FYB2: variants seen among roughly 807,000 people sequenced by gnomAD.
The protein encoded by FYB2 is FYN-binding protein 2.
A neutral mutation model predicts 94.1 loss-of-function variants in FYB2; 103 were observed. That is an observed-to-expected ratio of 1.09 (90% CI 0.93 to 1.29). FYB2 has a LOEUF of 1.29. Ranked by LOEUF, FYB2 falls within the 50% of genes most tolerant of loss-of-function variation. The pLI, the probability that FYB2 is intolerant of heterozygous loss-of-function variation, is 0.00. For missense variants in FYB2, 896 were observed against 841.5 expected, an observed-to-expected ratio of 1.06 and a Z score of -0.80; for synonymous variants, 293 against 287.9, an observed-to-expected ratio of 1.02 and a Z score of -0.18.
rs115495671 is a variant in FYB2, at chr1:56,730,849, G to A, written c.1794-4266C>T. Among the ~76,000 whole-genome samples, 1,068 of 152,056 alleles carry A rather than the reference G, an allele frequency of 7.0e-3. 11 individuals are homozygous for A. Among genetic ancestry groups the A allele is most frequent in the South Asian group, 0.028 (136 of 4,812 alleles). ...GATACGAAAAAGAAAATTACAGGTC[G>A]ATATCCCTGATGAACATAGACACAA... On this transcript the variant is annotated intron_variant, in intron 15 of 19. Coordinates refer to ENST00000343433, the MANE Select transcript of FYB2 (RefSeq NM_001004303.5).
At chr1:56,799,622 A>G (rs960528317) in intron 1 of FYB2, among the ~76,000 whole-genome samples, 4 of 152,194 alleles carry the variant, frequency 2.6e-5, no homozygotes, top group Non-Finnish European at 4.4e-5. Flanking sequence ...TGATGGGAAA[A>G]TTCAGAACCA....
intron 5 of FYB2, among the ~76,000 whole-genome samples, chr1:56,761,293 G>A (rs1400433889): frequency 1.4e-4 from 21 of 152,248 alleles, no homozygotes. Flanking sequence ...GCATTTAAAT[G>A]CATTATTTCA....
upstream of FYB2, among the ~76,000 whole-genome samples, chr1:56,821,810 C>T (rs1033865381): frequency 3.3e-5 from 5 of 152,130 alleles, no homozygotes; most frequent in African/African-American, 9.7e-5. Context: ...TATTCATTTG[C>T]TATAAGGAGA....
chr1:56,765,569 A>T (rs1424253018), intron 5 of FYB2, among the ~76,000 whole-genome samples: 1 of 152,080 alleles, frequency 6.6e-6, no homozygotes, highest in Non-Finnish European at 1.5e-5. Context: ...GGAGTAGACT[A>T]GTTATTGTCT....
intron 15 of FYB2, among the ~76,000 whole-genome samples, chr1:56,736,328 A>T (rs943469204): frequency 2.0e-5 from 3 of 152,090 alleles, no homozygotes; most frequent in African/African-American, 7.2e-5. Context: ...GATGAATCAA[A>T]CATGAAGAGA....
rs138668500 is a variant in FYB2, at chr1:56,742,201, C to T, written c.1564G>A (p.Glu522Lys). 5.6e-3 allele frequency: 8,999 copies of T among 1,601,764 alleles called. 33 individuals are homozygous for T. The highest frequency in any genetic ancestry group is 7.1e-3 in the Non-Finnish European group (8,273 of 1,170,528). ...TTGTTCTTTGTTTTGTAGACATCTTCATACAGTTCTCTATTTTCTTCTGAA... is the reference window on the plus strand; with the variant it reads ...TTGTTCTTTGTTTTGTAGACATCTTTATACAGTTCTCTATTTTCTTCTGAA... ...SSSEENRELY[E>K]DVYKTKNNYP... Residue 522 changes from glutamate to lysine, a missense_variant, in exon 12 of 20, where the codon GAA becomes AAA. By Grantham distance (56) the Glu-to-Lys change is moderately conservative. Transcript: ENST00000343433.
chr1:56,823,324 T>C (rs1417713423), upstream of FYB2, among the ~76,000 whole-genome samples: 4 of 151,820 alleles, frequency 2.6e-5, no homozygotes, highest in African/African-American at 9.7e-5. Context: ...AAAAGGATGA[T>C]ATGAAATGAA....
chr1:56,737,470 T>A (rs1215214503), intron 14 of FYB2: 2 of 207,590 alleles, frequency 9.6e-6, no homozygotes, highest in Non-Finnish European at 1.9e-5. Flanking sequence ...TAAGTTCCCA[T>A]CTTTCTGGAA....
chr1:56,773,393 C>G (rs1338999375), intron 4 of FYB2, among the ~76,000 whole-genome samples: 1 of 152,154 alleles, frequency 6.6e-6, no homozygotes, highest in East Asian at 1.9e-4. Flanking sequence ...TTATTAATCA[C>G]ATTAATAGCT....
At chr1:56,773,094 T>C (rs1645797895) in intron 4 of FYB2, among the ~76,000 whole-genome samples, 3 of 152,164 alleles carry the variant, frequency 2.0e-5, no homozygotes. Context: ...TAAAGATGAT[T>C]TACAAAACCA....
chr1:56,774,538 T>C (rs1225659288), intron 4 of FYB2, among the ~76,000 whole-genome samples: 3 of 152,174 alleles, frequency 2.0e-5, no homozygotes, highest in Non-Finnish European at 4.4e-5. Flanking sequence ...TGTGCATACA[T>C]ATACATCTTT....
intron 14 of FYB2, among the ~76,000 whole-genome samples, chr1:56,737,885 G>T (rs1163761908): frequency 6.6e-6 from 1 of 152,044 alleles, no homozygotes; most frequent in Non-Finnish European, 1.5e-5. Flanking sequence ...CCAAGGATAT[G>T]TTGAGATGTG....
At chr1:56,807,331 A>G (rs1223600742) in intron 1 of FYB2, among the ~76,000 whole-genome samples, 2 of 152,094 alleles carry the variant, frequency 1.3e-5, no homozygotes, top group Admixed American at 6.5e-5. Flanking sequence ...AATTTCTTAG[A>G]TTTGTTTTCT....
At chr1:56,762,999 T>C (rs1030968775) in intron 5 of FYB2, among the ~76,000 whole-genome samples, 1 of 152,218 alleles carries the variant, frequency 6.6e-6, no homozygotes, top group Non-Finnish European at 1.5e-5. Context: ...GCACAGATTG[T>C]CTAATTTTTC....
chr1:56,770,536 G>A (rs1460014884), intron 4 of FYB2, among the ~76,000 whole-genome samples: 2 of 152,106 alleles, frequency 1.3e-5, no homozygotes, highest in African/African-American at 2.4e-5. Context: ...GCTGAAAAAT[G>A]AATTAATCAG....
intron 12 of FYB2, among the ~76,000 whole-genome samples, chr1:56,741,384 C>T (rs375092876): frequency 3.5e-4 from 53 of 152,074 alleles, no homozygotes; most frequent in African/African-American, 9.4e-4. Context: ...GCTAGAAATA[C>T]GTTATAGAAA....
intron 1 of FYB2, among the ~76,000 whole-genome samples, chr1:56,807,726 A>G (rs1018308263): frequency 6.6e-6 from 1 of 152,224 alleles, no homozygotes; most frequent in Non-Finnish European, 1.5e-5. Flanking sequence ...CCCGTTTTAT[A>G]GATAAAGAAA....
At chr1:56,749,198 T>C (rs1645139629) in intron 9 of FYB2, among the ~76,000 whole-genome samples, 1 of 151,822 alleles carries the variant, frequency 6.6e-6, no homozygotes, top group African/African-American at 2.4e-5. Context: ...AACTTTAGGG[T>C]TCCTGGCTTT....
chr1:56,740,656 G>A lies in FYB2; in HGVS notation c.1703+41C>T, dbSNP rs1644930061. The stretch of plus-strand genomic sequence containing the variant: ...GAACATCAACTTGTGTATCTACCAG[G>A]TTAATCCCCTCGTGGAAAGGGATTT... On this transcript the variant is annotated intron_variant, in intron 13 of 19. Coordinates refer to ENST00000343433, the MANE Select transcript of FYB2 (RefSeq NM_001004303.5). 3.3e-6 allele frequency: 4 copies of A among 1,222,908 alleles called. No individual in the cohort carries two copies. The East Asian group carries it at 9.6e-5, about 29-fold the overall frequency. 75.8% of individuals were successfully genotyped at this position (1,222,908 alleles called of 1,614,324 possible). A position where few individuals can be genotyped will look rare whatever the true frequency, so the allele number is the denominator to read the frequency against.
Sources: gnomAD v4.1 joint callset for allele counts (sites outside exome capture counted in the v4.1 genomes callset) on GRCh38, gnomAD v4.1.1 for gene constraint, MANE v1.5 for transcripts, NCBI Gene and HGNC (gene_info 2026-07-23, HGNC 2026-07-21) for gene names.